Variants in MAGI2 observed in about 807,000 individuals in gnomAD.
The protein encoded by MAGI2 is membrane associated guanylate kinase, WW and PDZ domain containing 2.
Under a neutral mutation model 133.3 loss-of-function variants are expected in MAGI2, and 35 were observed. The observed-to-expected ratio is 0.26, with a 90% CI of 0.20 to 0.35. The LOEUF (loss-of-function observed/expected upper bound fraction) is 0.35, where lower values mean the gene tolerates loss of function less well. Among genes scored for constraint, MAGI2 ranks in the 10% least tolerant of loss-of-function variants. The pLI is 1.00. For synonymous variants in MAGI2, 729 were observed against 710.6 expected (o/e 1.03, Z -0.41); for missense variants, 1,636 against 1,863.4 (o/e 0.88, Z 2.25).
chr7:78,865,762 A>C (rs1179299718), intron 2 of MAGI2, among the ~76,000 whole-genome samples: 1 of 152,180 alleles, frequency 6.6e-6, no homozygotes, highest in Non-Finnish European at 1.5e-5. Flanking sequence ...AATTTAGCCA[A>C]TTCTTTTCAA....
intron 1 of MAGI2, among the ~76,000 whole-genome samples, chr7:79,397,509 G>A (rs1450026173): frequency 2.0e-5 from 3 of 151,756 alleles, no homozygotes; most frequent in African/African-American, 7.3e-5. Context: ...TGGAGTTAAT[G>A]GGTTACAAAA....
intron 1 of MAGI2, among the ~76,000 whole-genome samples, chr7:79,429,351 G>A (rs1847618393): frequency 6.6e-6 from 1 of 151,648 alleles, no homozygotes; most frequent in South Asian, 2.1e-4. Flanking sequence ...CACCCAGGCT[G>A]GAGTGCAGTG....
chr7:78,061,513 T>C (rs990194839), intron 21 of MAGI2, among the ~76,000 whole-genome samples: 19 of 151,786 alleles, frequency 1.3e-4, no homozygotes, highest in Non-Finnish European at 2.4e-4. Context: ...TGATGGCCCC[T>C]TAATTAATAG....
chr7:78,460,140 A>G (rs911985891), intron 6 of MAGI2, among the ~76,000 whole-genome samples: 1 of 152,224 alleles, frequency 6.6e-6, no homozygotes, highest in African/African-American at 2.4e-5. Flanking sequence ...GATCATACTT[A>G]TTCTTCCAAT....
chr7:78,754,849 G>C (rs1159475389), intron 2 of MAGI2, among the ~76,000 whole-genome samples: 1 of 152,170 alleles, frequency 6.6e-6, no homozygotes, highest in Non-Finnish European at 1.5e-5. Context: ...CAAATTAAAA[G>C]ACACCAGAGA....
intron 1 of MAGI2, among the ~76,000 whole-genome samples, chr7:79,245,457 C>T (rs1160554316): frequency 6.6e-6 from 1 of 151,980 alleles, no homozygotes; most frequent in Non-Finnish European, 1.5e-5. Flanking sequence ...ACGGAAGGGC[C>T]CTTGGTCCTT....
intron 1 of MAGI2, among the ~76,000 whole-genome samples, chr7:79,098,126 A>AC (rs981016874): frequency 6.6e-6 from 1 of 152,198 alleles, no homozygotes; most frequent in Non-Finnish European, 1.5e-5. Context: ...TGTTTCAAAA[A>AC]AAAATAGCAG....
intron 2 of MAGI2, among the ~76,000 whole-genome samples, chr7:78,921,187 T>A (rs1211209333): frequency 6.6e-6 from 1 of 152,108 alleles, no homozygotes; most frequent in Admixed American, 6.6e-5. Context: ...AAGTGGAGGA[T>A]CACTGGAAAG....
intron 6 of MAGI2, among the ~76,000 whole-genome samples, chr7:78,446,943 T>C (rs1481555063): frequency 2.0e-5 from 3 of 152,086 alleles, no homozygotes; most frequent in Non-Finnish European, 2.9e-5. Context: ...GGCCCGTTTA[T>C]AGGATGCACA....
At chr7:78,266,347 C>T (rs1250774266) in intron 9 of MAGI2, among the ~76,000 whole-genome samples, 2 of 152,128 alleles carry the variant, frequency 1.3e-5, no homozygotes, top group African/African-American at 4.8e-5. Flanking sequence ...GCTACAGGCT[C>T]ATGCCACCAT....
intron 1 of MAGI2, among the ~76,000 whole-genome samples, chr7:79,214,749 A>G (rs963096426): frequency 7.1e-6 from 1 of 141,384 alleles, no homozygotes; most frequent in African/African-American, 2.6e-5. Flanking sequence ...AAATATATAA[A>G]TACATATATG....
intron 1 of MAGI2, among the ~76,000 whole-genome samples, chr7:79,080,320 A>G (rs547521520): frequency 6.6e-6 from 1 of 152,278 alleles, no homozygotes; most frequent in African/African-American, 2.4e-5. Flanking sequence ...ATGTAGTTAA[A>G]GTATACTGGG....
intron 2 of MAGI2, among the ~76,000 whole-genome samples, chr7:78,680,977 G>A (rs1158726106): frequency 6.6e-6 from 1 of 152,150 alleles, no homozygotes; most frequent in Non-Finnish European, 1.5e-5. Flanking sequence ...GGCTAAGGGA[G>A]GGCGACACTG....
intron 1 of MAGI2, among the ~76,000 whole-genome samples, chr7:79,017,298 G>C (rs922522975): frequency 5.9e-5 from 9 of 152,160 alleles, no homozygotes; most frequent in South Asian, 4.1e-4. Context: ...CCTAGAGTTA[G>C]AGCACACAGT....
At chr7:78,132,819 G>C in intron 18 of MAGI2, 70 bp downstream of exon 18, 1 of 1,607,730 alleles carries the variant, frequency 6.2e-7, no homozygotes, top group Non-Finnish European at 8.5e-7. Context: ...GTCCTGTGCT[G>C]TCCCCAAATA....
intron 2 of MAGI2, among the ~76,000 whole-genome samples, chr7:78,989,234 T>C (rs531782066): frequency 1.0e-3 from 158 of 152,164 alleles, no homozygotes; most frequent in Non-Finnish European, 1.8e-3. Flanking sequence ...CCCCAAAGAA[T>C]TGGCTATGAG....
Position 79,385,361 on chromosome 7 carries a change from T to A in MAGI2, c.301+67659A>T, listed in dbSNP as rs146314279. 4.8e-3 allele frequency among the ~76,000 whole-genome samples: 726 copies of A among 152,038 alleles called. 7 individuals are homozygous for A. Among genetic ancestry groups the A allele is most frequent in the African/African-American group, 0.016 (685 of 41,524 alleles). Reference sequence around the variant, plus strand: ...CCAGGAATGGAATAATGGTTGAATATCATAAAATTGTTTTAAGATAACATG... The same window carrying A: ...CCAGGAATGGAATAATGGTTGAATAACATAAAATTGTTTTAAGATAACATG... On this transcript the variant is annotated intron_variant, in intron 1 of 21. Coordinates refer to ENST00000354212, the MANE Select transcript of MAGI2 (RefSeq NM_012301.4).
intron 1 of MAGI2, among the ~76,000 whole-genome samples, chr7:79,122,730 C>A (rs886243451): frequency 6.6e-6 from 1 of 151,540 alleles, no homozygotes; most frequent in Non-Finnish European, 1.5e-5. Flanking sequence ...CTGCAACCTC[C>A]GCCTCCTGAG....
rs80152290 is a variant in MAGI2, at chr7:79,158,485, T to C, written c.302-151279A>G. Among the ~76,000 whole-genome samples, 574 of 152,176 alleles carry C rather than the reference T, an allele frequency of 3.8e-3. 27 individuals are homozygous for C. In the East Asian group the frequency reaches 0.097, roughly 26 times the overall value. On this transcript the variant is annotated intron_variant, in intron 1 of 21. Coordinates refer to ENST00000354212, the MANE Select transcript of MAGI2 (RefSeq NM_012301.4). ...AAAAATGTCCTAAGAATTGTTTGCA[T>C]TTTTTTGCATTTATTGGTCATGTGG...
Sources: allele counts gnomAD v4.1 joint callset (sites outside exome capture counted in the v4.1 genomes callset), GRCh38; gene constraint gnomAD v4.1.1; transcripts MANE v1.5; gene names NCBI Gene and HGNC (gene_info 2026-07-23, HGNC 2026-07-21).